GCM1: variants seen among roughly 807,000 people sequenced by gnomAD.
The protein encoded by GCM1 is GCM transcription factor 1, also known as chorion-specific transcription factor GCMa.
GCM1 carries 2 observed loss-of-function variants against 25.7 expected under a neutral mutation model. The observed-to-expected ratio is 0.08, with a 90% CI of 0.03 to 0.24. The LOEUF is 0.24. GCM1 is among the 10% of genes least tolerant of loss of function. GCM1 has a pLI of 1.00. For synonymous variants in GCM1, 183 were observed against 195.7 expected (o/e 0.94, Z 0.54); for missense variants, 395 against 538.7 (o/e 0.73, Z 2.64).
chr6:53,140,380 A>T (rs2127509923), intron 2 of GCM1, among the ~76,000 whole-genome samples: 1 of 152,248 alleles, frequency 6.6e-6, no homozygotes, highest in South Asian at 2.1e-4. Context: ...GAGCTCAAAT[A>T]TTCATGTTTG....
chr6:53,144,535 G>GGGAT (rs2127510946), intron 2 of GCM1, among the ~76,000 whole-genome samples: 1 of 144,660 alleles, frequency 6.9e-6, no homozygotes, highest in Non-Finnish European at 1.5e-5. Context: ...GTTTATGCCT[G>GGGAT]TAATCCCAGC....
chr6:53,138,846 A>AGG (rs1763835767), intron 2 of GCM1, among the ~76,000 whole-genome samples: 1 of 152,108 alleles, frequency 6.6e-6, no homozygotes, highest in African/African-American at 2.4e-5. Flanking sequence ...ACTCAATCAA[A>AGG]ATTTTTGTAG....
Position 53,134,227 on chromosome 6 carries a change from C to T in GCM1, c.173G>A (p.Ser58Asn). 6.2e-7 allele frequency: 1 copy of T among 1,614,200 alleles called. No homozygotes were observed. The highest frequency in any genetic ancestry group is 8.5e-7 in the Non-Finnish European group (1 of 1,180,030). ...GTTGTTGGTATTGCGCATGGCCCAGCTGCTCAGGTGCCGCTGCGCATTCTT... is the reference window on the plus strand; with the variant it reads ...GTTGTTGGTATTGCGCATGGCCCAGTTGCTCAGGTGCCGCTGCGCATTCTT... The part of the protein sequence containing the change: ...EDKNAQRHLS[S>N]WAMRNTNNHN... The change falls in exon 3 of 6, where the codon AGC (serine) becomes AAC (asparagine). Residue 58 changes from serine (S) to asparagine (N), a missense_variant. Ser to Asn is a conservative substitution (Grantham distance 46). This residue lies in a region of GCM1 where 7 missense variants were observed against 42.8 expected (regional missense o/e 0.16). Transcript: ENST00000259803.
chr6:53,147,063 A>G (rs1371026861), intron 1 of GCM1, among the ~76,000 whole-genome samples: 4 of 152,154 alleles, frequency 2.6e-5, no homozygotes, highest in Non-Finnish European at 1.5e-5. Flanking sequence ...GAATGAATAA[A>G]TAAATAAATG....
At chr6:53,133,535 G>A (rs1224794370) in intron 3 of GCM1, among the ~76,000 whole-genome samples, 2 of 150,190 alleles carry the variant, frequency 1.3e-5, no homozygotes, top group African/African-American at 4.9e-5. Flanking sequence ...TCTATTGTGC[G>A]GCCTGGAGTG....
At chr6:53,139,944 C>G (rs1763851259) in intron 2 of GCM1, among the ~76,000 whole-genome samples, 1 of 152,168 alleles carries the variant, frequency 6.6e-6, no homozygotes. Context: ...CAAGTTACCT[C>G]AGCTTTCAAA....
intron 1 of GCM1, among the ~76,000 whole-genome samples, chr6:53,146,012 G>A (rs541374050): frequency 2.4e-4 from 36 of 152,056 alleles, no homozygotes; most frequent in African/African-American, 8.4e-4. Context: ...TCCAGGTTGT[G>A]AAGGCCTTAG....
intron 1 of GCM1, among the ~76,000 whole-genome samples, chr6:53,147,279 A>G (rs1763970965): frequency 6.6e-6 from 1 of 152,188 alleles, no homozygotes; most frequent in African/African-American, 2.4e-5. Context: ...GTTCACATGT[A>G]TAACATTTCA....
chr6:53,141,604 G>T (rs1381379091), intron 2 of GCM1, among the ~76,000 whole-genome samples: 1 of 152,026 alleles, frequency 6.6e-6, no homozygotes, highest in African/African-American at 2.4e-5. Context: ...GGAGAATGGT[G>T]TGAACCCGGG....
At chr6:53,131,231 T>TG (rs1763720457) in intron 4 of GCM1, among the ~76,000 whole-genome samples, 1 of 152,214 alleles carries the variant, frequency 6.6e-6, no homozygotes, top group Admixed American at 6.5e-5. Context: ...TCATTTCATC[T>TG]TCAGCACAAC....
At chr6:53,139,339 T>C (rs1236432170) in intron 2 of GCM1, among the ~76,000 whole-genome samples, 1 of 151,994 alleles carries the variant, frequency 6.6e-6, no homozygotes, top group East Asian at 1.9e-4. Context: ...AAAATTGAAT[T>C]CAACAAAATG....
At chr6:53,146,223 T>A (rs1218082977) in intron 1 of GCM1, among the ~76,000 whole-genome samples, 169 of 86,558 alleles carry the variant, frequency 2.0e-3, no homozygotes, top group East Asian at 0.016. Context: ...TATATTTTTT[T>A]TTTTTTTTTT....
At position 53,130,803 on chromosome 6, in the gene GCM1, C is replaced by G; in HGVS notation, c.570G>C (p.Arg190Ser). 2 of 1,613,608 alleles carry G rather than the reference C, an allele frequency of 1.2e-6. No individual in the cohort carries two copies. Among genetic ancestry groups the G allele is most frequent in the Non-Finnish European group, 1.7e-6 (2 of 1,179,642 alleles). ...TTGAACATACATAATGAAGGATTAC[C>G]CTGGTCTCTGTGCTCCCCTTCAGGC... ...SLSLKGSTET[R>S]SLPGETQSQG... Residue 190 changes from arginine (R) to serine (S), a missense_variant and splice_region_variant, in exon 5 of 6, where the codon AGG becomes AGC. Arg to Ser is a moderately radical substitution (Grantham distance 110, BLOSUM62 -1). Coordinates refer to ENST00000259803, the MANE Select transcript of GCM1 (RefSeq NM_003643.4).
In GCM1 at chr6:53,130,799, T is replaced by C; in HGVS notation, c.570+4A>G. 2 of 1,613,080 alleles carry C rather than the reference T, an allele frequency of 1.2e-6. No individual in the cohort carries two copies. The highest frequency in any genetic ancestry group is 8.5e-7 in the Non-Finnish European group (1 of 1,179,350). ...TGTATTGAACATACATAATGAAGGA[T>C]TACCCTGGTCTCTGTGCTCCCCTTC... On this transcript the variant is annotated splice_donor_region_variant and intron_variant, in intron 5 of 5. Coordinates refer to ENST00000259803, the MANE Select transcript of GCM1 (RefSeq NM_003643.4).
chr6:53,139,141 A>G (rs1458844462), intron 2 of GCM1, among the ~76,000 whole-genome samples: 5 of 152,168 alleles, frequency 3.3e-5, no homozygotes, highest in African/African-American at 7.2e-5. Flanking sequence ...ATAAATAAAT[A>G]TTTCTAAATA....
intron 2 of GCM1, among the ~76,000 whole-genome samples, chr6:53,138,911 T>C (rs1207534354): frequency 2.0e-5 from 3 of 152,248 alleles, no homozygotes; most frequent in Non-Finnish European, 4.4e-5. Flanking sequence ...CTTATTCAAC[T>C]ACTTGAAGTT....
At chr6:53,140,636 A>G (rs557422865) in intron 2 of GCM1, among the ~76,000 whole-genome samples, 20 of 152,266 alleles carry the variant, frequency 1.3e-4, no homozygotes, top group African/African-American at 4.6e-4. Flanking sequence ...GTGTAGGAAC[A>G]AAATGATCCA....
At chr6:53,130,952 A>T in intron 4 of GCM1, 21 bp from the exon 5 acceptor site, 1 of 1,607,474 alleles carries the variant, frequency 6.2e-7, no homozygotes, top group Non-Finnish European at 8.5e-7. Context: ...ACAAGGAAGT[A>T]GAAAGGAAAT....
At chr6:53,141,969 A>T (rs1763878609) in intron 2 of GCM1, among the ~76,000 whole-genome samples, 1 of 125,028 alleles carries the variant, frequency 8.0e-6, no homozygotes, top group Non-Finnish European at 1.6e-5. Flanking sequence ...GCGCCACTGC[A>T]CTCCAGCTTG....
Sources: gnomAD v4.1 joint callset for allele counts (sites outside exome capture counted in the v4.1 genomes callset) on GRCh38, gnomAD v4.1.1 for gene constraint, gnomAD v4.1.1 regional missense constraint, MANE v1.5 for transcripts, NCBI Gene and HGNC (gene_info 2026-07-23, HGNC 2026-07-21) for gene names.